The following AKAP10 variants were observed in gnomAD, a reference collection of about 807,000 sequenced individuals.
AKAP10 encodes the protein A-kinase anchor protein 10, mitochondrial.
Under a neutral mutation model 80.8 loss-of-function variants are expected in AKAP10, and 24 were observed. The observed-to-expected ratio is 0.30, with a 90% CI of 0.22 to 0.42. The LOEUF (loss-of-function observed/expected upper bound fraction) is 0.42. Among genes scored for constraint, AKAP10 ranks in the 10% least tolerant of loss-of-function variants. The pLI is 1.00. For synonymous variants in AKAP10, 291 were observed against 277.7 expected, an observed-to-expected ratio of 1.05 and a Z score of -0.48; for missense variants, 661 against 794.9, an observed-to-expected ratio of 0.83 and a Z score of 2.03.
At chr17:19,975,262 T>C (rs1461791267) in intron 1 of AKAP10, among the ~76,000 whole-genome samples, 1 of 152,148 alleles carries the variant, frequency 6.6e-6, no homozygotes, top group Non-Finnish European at 1.5e-5. Context: ...CAAGCTATAT[T>C]CCTGCCTCGG....
At chr17:19,947,821 T>C (rs2043151770) in intron 4 of AKAP10, among the ~76,000 whole-genome samples, 1 of 152,154 alleles carries the variant, frequency 6.6e-6, no homozygotes, top group African/African-American at 2.4e-5. Context: ...GGAGAAAACA[T>C]CAGTTTGAAG....
chr17:19,939,705 T>C lies in AKAP10; in HGVS notation c.1322+8A>G, dbSNP rs1379826575. ...TATCTGCTGAATCCATCTATCAATA[T>C]AACTCACTTGTCATATAAAATCATG... On this transcript the variant is annotated splice_region_variant and intron_variant, in intron 8 of 14. Transcript: ENST00000225737. 2 of 1,611,964 alleles carry C rather than the reference T, an allele frequency of 1.2e-6. No individual in the cohort carries two copies. Among genetic ancestry groups the C allele is most frequent in the East Asian group, 4.5e-5 (2 of 44,846 alleles).
intron 12 of AKAP10, 59 bp from the exon 13 acceptor site, chr17:19,910,037 C>T: frequency 1.3e-6 from 2 of 1,559,334 alleles, no homozygotes; most frequent in Non-Finnish European, 1.8e-6. Context: ...ATTAAAAATG[C>T]TCTTATTTGG....
At chr17:19,931,283 T>C (rs1483467451) in intron 10 of AKAP10, among the ~76,000 whole-genome samples, 2 of 152,158 alleles carry the variant, frequency 1.3e-5, no homozygotes, top group Middle Eastern at 3.4e-3. Context: ...CAGATTCAAA[T>C]AGAATAATGG....
intron 4 of AKAP10, among the ~76,000 whole-genome samples, chr17:19,956,170 G>A (rs906607031): frequency 6.6e-6 from 1 of 152,114 alleles, no homozygotes; most frequent in African/African-American, 2.4e-5. Context: ...ACTCATACAG[G>A]ATCAGTACGA....
At chr17:19,939,479 T>C (rs1336745497) in intron 8 of AKAP10, among the ~76,000 whole-genome samples, 1 of 152,114 alleles carries the variant, frequency 6.6e-6, no homozygotes, top group African/African-American at 2.4e-5. Flanking sequence ...TGGGAAACAC[T>C]CCTTGAACAC....
rs2043238058 is a variant in AKAP10 at position 19,953,443 on chromosome 17, A to C, written c.877+4571T>G. ...AAATCAATAAAATTGAAAACAAAAC[A>C]ACAGAAAAATCAAAACAAAAGCTAG... On this transcript the variant is annotated intron_variant, in intron 4 of 14. Transcript: ENST00000225737. Among the ~76,000 whole-genome samples the C allele has an allele frequency of 3.3e-5, 5 of 152,122 alleles. No individual in the cohort carries two copies. In the South Asian group the frequency reaches 1.0e-3, roughly 31 times the overall value.
At chr17:19,958,696 T>C (rs1286769761) in intron 3 of AKAP10, 125 bp from the exon 4 acceptor site, 1 of 738,890 alleles carries the variant, frequency 1.4e-6, no homozygotes, top group Non-Finnish European at 2.1e-6. Flanking sequence ...TCCTAGCAAC[T>C]AAAGTAAATA....
chr17:19,919,277 T>C (rs1165558779), intron 12 of AKAP10, among the ~76,000 whole-genome samples: 7 of 152,204 alleles, frequency 4.6e-5, no homozygotes, highest in Non-Finnish European at 1.5e-5. Flanking sequence ...TATGGCTGCA[T>C]AGTATCCATG....
At chr17:19,934,505 G>T (rs961201348) in intron 9 of AKAP10, among the ~76,000 whole-genome samples, 1 of 152,006 alleles carries the variant, frequency 6.6e-6, no homozygotes, top group East Asian at 1.9e-4. Flanking sequence ...ATGCCACTAC[G>T]CCCAGCTAAT....
At chr17:19,944,639 G>A (rs2043084468) in intron 5 of AKAP10, among the ~76,000 whole-genome samples, 1 of 152,154 alleles carries the variant, frequency 6.6e-6, no homozygotes, top group Admixed American at 6.6e-5. Context: ...TGGCGAGAGT[G>A]AGACTCCGTC....
chr17:19,928,292 A>G (rs1042624391), intron 10 of AKAP10, among the ~76,000 whole-genome samples: 165 of 152,330 alleles, frequency 1.1e-3, no homozygotes, highest in African/African-American at 3.6e-3. Context: ...ATTTTTCCAA[A>G]GCTAGAACAA....
intron 4 of AKAP10, among the ~76,000 whole-genome samples, chr17:19,951,445 C>T (rs1597515730): frequency 6.6e-6 from 1 of 152,074 alleles, no homozygotes. Flanking sequence ...GCAGTTTTGT[C>T]GAATAGAAAA....
chr17:19,958,806 A>G (rs1472095063), intron 3 of AKAP10, among the ~76,000 whole-genome samples: 2 of 145,644 alleles, frequency 1.4e-5, no homozygotes, highest in Admixed American at 6.9e-5. Flanking sequence ...AATAATTCTC[A>G]TATCTCTTTT....
chr17:19,972,315 C>T lies in AKAP10; in HGVS notation c.89-3854G>A, dbSNP rs113369683. On this transcript the variant is annotated intron_variant, in intron 1 of 14. Transcript: ENST00000225737. ...TGTTTATTGGTCATTTTGGCTTCCT[C>T]TTTTGTGAACTGCCTCTTCATGTCC... is the stretch of plus-strand genomic sequence containing the variant. Among the ~76,000 whole-genome samples the T allele has an allele frequency of 7.1e-3, 1,074 of 152,250 alleles. 6 individuals are homozygous for T. The highest frequency in any genetic ancestry group is 0.02 in the African/African-American group (823 of 41,540).
intron 8 of AKAP10, among the ~76,000 whole-genome samples, chr17:19,937,704 T>C (rs1476399961): frequency 6.6e-6 from 1 of 152,162 alleles, no homozygotes; most frequent in East Asian, 1.9e-4. Flanking sequence ...ACGTAATACC[T>C]TCTACAAACA....
At chr17:19,961,034 A>T (rs2043342747) in intron 3 of AKAP10, among the ~76,000 whole-genome samples, 1 of 146,966 alleles carries the variant, frequency 6.8e-6, no homozygotes, top group Non-Finnish European at 1.5e-5. Context: ...ATAAACAAAC[A>T]AACAAACAAA....
chr17:19,914,628 CAAAAAAAA>C (rs36071856), intron 12 of AKAP10, among the ~76,000 whole-genome samples: 1 of 58,516 alleles, frequency 1.7e-5, no homozygotes, highest in South Asian at 8.0e-4. Flanking sequence ...GACCCTATCT[CAAAAAAAA>C]AAAAAAAAAA....
At chr17:19,907,568 C>A (rs2042644812) in intron 14 of AKAP10, among the ~76,000 whole-genome samples, 1 of 151,946 alleles carries the variant, frequency 6.6e-6, no homozygotes, top group African/African-American at 2.4e-5. Flanking sequence ...TAGGCACCTG[C>A]CACCATGCCC....
Sources: allele counts gnomAD v4.1 joint callset (sites outside exome capture counted in the v4.1 genomes callset), GRCh38; gene constraint gnomAD v4.1.1; transcripts MANE v1.5; gene names NCBI Gene and HGNC (gene_info 2026-07-23, HGNC 2026-07-21).